NIPBL: variants seen among roughly 807,000 people sequenced by gnomAD.
The protein encoded by NIPBL is NIPBL cohesin loading factor.
A neutral mutation model predicts 321.8 loss-of-function variants in NIPBL; 19 were observed. The ratio of observed to expected loss-of-function variants is 0.06; its 90% CI spans 0.04 to 0.09. The LOEUF (loss-of-function observed/expected upper bound fraction) is 0.09. NIPBL is among the 10% of genes least tolerant of loss of function. NIPBL has a pLI of 1.00. For synonymous variants in NIPBL, 1,106 were observed against 1,114.1 expected, an observed-to-expected ratio of 0.99 and a Z score of 0.14; for missense variants, 2,210 against 3,327.0, an observed-to-expected ratio of 0.66 and a Z score of 8.26.
intron 1 of NIPBL, among the ~76,000 whole-genome samples, chr5:36,909,892 G>T (rs1264800802): frequency 6.6e-6 from 1 of 152,018 alleles, no homozygotes. Flanking sequence ...CCTGGCCAAC[G>T]TGGTGAAACC....
Position 36,935,993 on chromosome 5 carries a change from T to G in NIPBL, c.-79-17625T>G, listed in dbSNP as rs186913658. 9.7e-4 allele frequency among the ~76,000 whole-genome samples: 148 copies of G among 152,270 alleles called. 1 individual carries two copies. The highest frequency in any genetic ancestry group is 3.5e-3 in the African/African-American group (144 of 41,562). ...CTCATCTTGAGATCCTTTATTACAT[T>G]GGCAAAGACGCTTTTTCCAAATAAG... On this transcript the variant is annotated intron_variant, in intron 1 of 46. Transcript: ENST00000282516.
chr5:36,936,976 A>G lies in NIPBL; in HGVS notation c.-79-16642A>G, dbSNP rs571225397. On this transcript the variant is annotated intron_variant, in intron 1 of 46. Transcript: ENST00000282516. Reference sequence around the variant, plus strand: ...TAGGGAGGCTAATCAGTTTGTTCACATATAGCCTTTTCTTTCTATAAAGGA... The same window carrying G: ...TAGGGAGGCTAATCAGTTTGTTCACGTATAGCCTTTTCTTTCTATAAAGGA... 2.0e-5 allele frequency among the ~76,000 whole-genome samples: 3 copies of G among 152,298 alleles called. No individual in the cohort carries two copies. In the South Asian group the frequency reaches 6.2e-4, roughly 32 times the overall value.
In NIPBL at chr5:37,020,808, T is replaced by A; in HGVS notation, c.5259T>A (p.Ala1753=). 1 of 1,614,202 alleles carries A rather than the reference T, an allele frequency of 6.2e-7. No individual in the cohort carries two copies. The highest frequency in any genetic ancestry group is 8.5e-7 in the Non-Finnish European group (1 of 1,180,010). Residue 1753 remains alanine, a synonymous_variant, in exon 27 of 47, where the codon GCT becomes GCA. Coordinates refer to ENST00000282516, the MANE Select transcript of NIPBL (RefSeq NM_133433.4). ...CTGATACTGTGGACTATGATGATGC[T>A]TGCTTGATTGTTCGATACTTGGCCT... ...MNSDTVDYDD[A]CLIVRYLASM...
In NIPBL at chr5:37,036,426, T is replaced by C; in HGVS notation, c.5910T>C (p.Ala1970=). ...CCTCATATAAACCTGTGAAGAAAGC[T>C]TGTACTCAACTTGTTGATAACCTAG... ...EDSSYKPVKK[A]CTQLVDNLVE... is the part of the protein sequence containing the mutation. Residue 1970 remains alanine, a synonymous_variant, in exon 33 of 47, where the codon GCT becomes GCC. Transcript: ENST00000282516. 6.8e-7 allele frequency: 1 copy of C among 1,463,750 alleles called. No individual in the cohort carries two copies. The highest frequency in any genetic ancestry group is 9.1e-7 in the Non-Finnish European group (1 of 1,099,906). 90.7% of individuals were successfully genotyped at this position (1,463,750 alleles called of 1,614,324 possible).
At chr5:37,062,214 G>A (rs1192667194) in intron 45 of NIPBL, among the ~76,000 whole-genome samples, 5 of 152,194 alleles carry the variant, frequency 3.3e-5, no homozygotes, top group Admixed American at 6.5e-5. Context: ...TGCGGAATCC[G>A]GGGATACAGA....
intron 21 of NIPBL, among the ~76,000 whole-genome samples, chr5:37,013,570 G>A (rs1748517514): frequency 6.6e-6 from 1 of 151,886 alleles, no homozygotes; most frequent in African/African-American, 2.4e-5. Context: ...ATACCGGACG[G>A]GGTGGCAGGG....
chr5:37,044,293 A>G (rs925117919), intron 34 of NIPBL, 54 bp from the exon 35 acceptor site: 1 of 1,523,872 alleles, frequency 6.6e-7, no homozygotes, highest in East Asian at 2.3e-5. Context: ...AAAGCTGTAT[A>G]TAGTTTCTTT....
rs150687346 is a variant in NIPBL at position 36,951,174 on chromosome 5, A to G, written c.-79-2444A>G. ...TTTTTATGTCACTGTGAAAAGCACA[A>G]TCTTGTGGTTAGGTTTATTAATCTT... On this transcript the variant is annotated intron_variant, in intron 1 of 46. Transcript: ENST00000282516. Among the ~76,000 whole-genome samples the G allele has an allele frequency of 4.5e-3, 683 of 152,280 alleles. 6 individuals carry two copies. The highest frequency in any genetic ancestry group is 4.5e-3 in the Non-Finnish European group (304 of 67,998).
chr5:37,031,475 A>G (rs1281544945), intron 32 of NIPBL, among the ~76,000 whole-genome samples: 1 of 152,206 alleles, frequency 6.6e-6, no homozygotes, highest in Non-Finnish European at 1.5e-5. Context: ...CCTTTATGAC[A>G]GTCTTCTTCA....
intron 29 of NIPBL, among the ~76,000 whole-genome samples, chr5:37,023,480 T>C (rs1749884774): frequency 6.6e-6 from 1 of 152,132 alleles, no homozygotes; most frequent in South Asian, 2.1e-4. Context: ...CATCTGTACT[T>C]TCTGCTAAAT....
At position 37,010,135 on chromosome 5, in the gene NIPBL, T is replaced by A; in HGVS notation, c.4470T>A (p.Val1490=). The A allele has an allele frequency of 6.2e-7, 1 of 1,612,794 alleles. No individual in the cohort carries two copies. The highest frequency in any genetic ancestry group is 1.7e-4 in the Middle Eastern group (1 of 6,054). The part of the protein sequence containing the change: ...MDGEPMYIQM[V]TALVLQLIQC... ...GAGAACCTATGTATATTCAGATGGT[T>A]ACAGCACTGGTTTTACAACTTATTC... Residue 1490 remains valine, a synonymous_variant, in exon 21 of 47, where the codon GTT becomes GTA. Coordinates refer to ENST00000282516, the MANE Select transcript of NIPBL (RefSeq NM_133433.4).
chr5:37,062,410 AT>A (rs1380267334), intron 45 of NIPBL, among the ~76,000 whole-genome samples: 1 of 152,072 alleles, frequency 6.6e-6, no homozygotes, highest in Non-Finnish European at 1.5e-5. Flanking sequence ...TTTCTCACTT[AT>A]CAAGTATGCA....
intron 11 of NIPBL, among the ~76,000 whole-genome samples, chr5:36,998,283 T>C (rs546372189): frequency 4.0e-5 from 6 of 149,822 alleles, no homozygotes; most frequent in Non-Finnish European, 8.9e-5. Flanking sequence ...TGGAAGTTGT[T>C]TTTTTTTTAA....
Position 37,046,157 on chromosome 5 carries a change from C to A in NIPBL, c.6547C>A (p.His2183Asn). 6.3e-7 allele frequency: 1 copy of A among 1,582,918 alleles called. No individual in the cohort carries two copies. Among genetic ancestry groups the A allele is most frequent in the Non-Finnish European group, 8.7e-7 (1 of 1,151,790 alleles). The change falls in exon 38 of 47, where the codon CAC becomes AAC. Residue 2183 changes from histidine to asparagine, a missense_variant. Around this residue, in one of 14 missense-constraint regions of NIPBL, gnomAD observed 40 missense variants for 55.3 expected, o/e 0.72. Coordinates refer to ENST00000282516, the MANE Select transcript of NIPBL (RefSeq NM_133433.4). ...VLELLMYFTK[H>N]SDEEVQTKAI... ...TGAACTATTGATGTATTTTACAAAA[C>A]ACTCAGATGAAGAAGTACAAACAAA... is the stretch of plus-strand genomic sequence containing the variant.
chr5:37,063,195 A>G (rs1038321570), intron 45 of NIPBL, among the ~76,000 whole-genome samples: 2 of 152,220 alleles, frequency 1.3e-5, no homozygotes, highest in Non-Finnish European at 2.9e-5. Context: ...AAAAATTTTT[A>G]AAAATCTACT....
In NIPBL at chr5:36,996,237, T is replaced by A. The variant is rs1356877212; in HGVS notation, c.3304+433T>A. Among the ~76,000 whole-genome samples, 1 of 152,162 alleles carries A rather than the reference T, an allele frequency of 6.6e-6. No homozygotes were observed. Among genetic ancestry groups the A allele is most frequent in the Non-Finnish European group, 1.5e-5 (1 of 68,020 alleles). ...CAGGGTGCTATGGGAACACATTGGATTGGCATCAAAATCAGAGTGGGGGCT... is the reference window on the plus strand; with the variant it reads ...CAGGGTGCTATGGGAACACATTGGAATGGCATCAAAATCAGAGTGGGGGCT... On this transcript the variant is annotated intron_variant, in intron 11 of 46. Coordinates refer to ENST00000282516, the MANE Select transcript of NIPBL (RefSeq NM_133433.4). The surrounding 1 kb of genome is among the most constrained non-coding windows in gnomAD (Gnocchi z 5.0).
At chr5:36,878,583 G>T (rs1745271872) in intron 1 of NIPBL, among the ~76,000 whole-genome samples, 1 of 152,176 alleles carries the variant, frequency 6.6e-6, no homozygotes, top group African/African-American at 2.4e-5. Flanking sequence ...TTTTACTAGT[G>T]TTTGTTACAT....
At chr5:36,982,853 A>G (rs188134628) in intron 9 of NIPBL, among the ~76,000 whole-genome samples, 3 of 152,004 alleles carry the variant, frequency 2.0e-5, no homozygotes, top group East Asian at 1.9e-4. Flanking sequence ...CCTGAGACCT[A>G]TGTCGTTGTG....
intron 1 of NIPBL, among the ~76,000 whole-genome samples, chr5:36,918,213 G>T (rs1748625398): frequency 6.6e-6 from 1 of 152,126 alleles, no homozygotes. Context: ...GCAGTGGTAT[G>T]TAGTTCTCCT....
Sources: allele counts gnomAD v4.1 joint callset (sites outside exome capture counted in the v4.1 genomes callset), GRCh38; gene constraint gnomAD v4.1.1; regional missense constraint gnomAD v4.1.1; non-coding constraint Gnocchi (gnomAD v3.1); transcripts MANE v1.5; gene names NCBI Gene and HGNC (gene_info 2026-07-23, HGNC 2026-07-21).